Variants in SLC12A4 observed in about 807,000 individuals in gnomAD.
The protein encoded by SLC12A4 is electroneutral potassium-chloride cotransporter 1.
SLC12A4 carries 84 observed loss-of-function variants against 119.2 expected under a neutral mutation model. The ratio of observed to expected loss-of-function variants is 0.70; its 90% CI spans 0.59 to 0.85. SLC12A4 has a LOEUF of 0.85. Ranked by LOEUF, SLC12A4 falls within the 40% of genes least tolerant of loss-of-function variation. The probability of loss-of-function intolerance (pLI) is 0.00; values close to 1 mark genes in which losing one functional copy is unlikely to be tolerated. For missense variants in SLC12A4, 1,298 were observed against 1,476.3 expected (o/e 0.88, Z 1.98); for synonymous variants, 599 against 604.6 (o/e 0.99, Z 0.14).
In SLC12A4 at chr16:67,951,161, T is replaced by A; in HGVS notation, c.1276A>T (p.Ile426Phe). 3 of 1,613,972 alleles carry A rather than the reference T, an allele frequency of 1.9e-6. No individual in the cohort carries two copies. Among genetic ancestry groups the A allele is most frequent in the Non-Finnish European group, 2.5e-6 (3 of 1,179,946 alleles). ...IATSFTVLVG[I>F]FFPSVTGIMA... ...TCACCTGTTACAGAAGGGAAGAAGA[T>A]GCCGACCAGCACGGTGAAGGATGTG... is the stretch of plus-strand genomic sequence containing the variant. Residue 426 changes from isoleucine to phenylalanine, a missense_variant, in exon 9 of 24, where the codon ATC becomes TTC. Physicochemically the swap from Ile to Phe is conservative, Grantham distance 21 (BLOSUM62 0). Transcript: ENST00000316341. This position sits in a 1 kb window ranked among gnomAD's most constrained non-coding sequence, Gnocchi z 5.2.
intron 1 of SLC12A4, among the ~76,000 whole-genome samples, chr16:67,964,856 A>C (rs2030790598): frequency 6.6e-6 from 1 of 152,198 alleles, no homozygotes; most frequent in African/African-American, 2.4e-5. Context: ...ATGAGGCTTC[A>C]ATTGCTTTCT....
chr16:67,943,532 C>A lies in SLC12A4; in HGVS notation c.*1308G>T. 1.9e-6 allele frequency: 1 copy of A among 515,256 alleles called. No individual in the cohort carries two copies. The highest frequency in any genetic ancestry group is 3.5e-6 in the Non-Finnish European group (1 of 282,514). The allele number at this position is 515,256 out of a possible 1,614,324, so 31.9% of individuals were successfully genotyped here. A position where few individuals can be genotyped will look rare whatever the true frequency, so the allele number is the denominator to read the frequency against. On this transcript the variant is annotated 3_prime_UTR_variant, in exon 24 of 24. Coordinates refer to ENST00000316341, the MANE Select transcript of SLC12A4 (RefSeq NM_005072.5). This position sits in a 1 kb window ranked among gnomAD's most constrained non-coding sequence, Gnocchi z 4.6. ...AGGTGGGAACAGATAGGTCTGGGGG[C>A]ATGGGGGCTGGGCCTAATAGGGGCC... is the stretch of plus-strand genomic sequence containing the variant.
Position 67,947,010 on chromosome 16 carries a change from C to T in SLC12A4, c.2168G>A (p.Gly723Asp), listed in dbSNP as rs2058358251. ...TFASQLKAGKGLTIVGSVIQG... is the reference protein window; with the variant it reads ...TFASQLKAGKDLTIVGSVIQG... ...GATGACAGAACCAACAATGGTCAGG[C>T]CCTTGCCAGCCTTGAGCTGGGAGGC... The change falls in exon 17 of 24, where the codon GGC (glycine) becomes GAC (aspartate). Residue 723 changes from glycine to aspartate, a missense_variant. Transcript: ENST00000316341. 3 of 1,613,068 alleles carry T rather than the reference C, an allele frequency of 1.9e-6. No homozygotes were observed. Among genetic ancestry groups the T allele is most frequent in the Non-Finnish European group, 2.5e-6 (3 of 1,180,028 alleles).
Position 67,946,005 on chromosome 16 carries a change from C to T in SLC12A4, c.2685G>A (p.Leu895=). 1 of 1,614,118 alleles carries T rather than the reference C, an allele frequency of 6.2e-7. No individual in the cohort carries two copies. The highest frequency in any genetic ancestry group is 8.5e-7 in the Non-Finnish European group (1 of 1,180,026). The change falls in exon 20 of 24, where the codon CTG becomes CTA. Residue 895 remains leucine, a synonymous_variant. Transcript: ENST00000316341. The stretch of plus-strand genomic sequence containing the variant: ...GGCGCAGATGGTACAGAAAGACAGC[C>T]AGGTCCTTCTTCATCTGGATGCTGT... The part of the protein sequence containing the change: ...DDNSIQMKKD[L]AVFLYHLRLE...
chr16:67,955,877 CAAA>C (rs773351935), intron 5 of SLC12A4, among the ~76,000 whole-genome samples: 1 of 134,518 alleles, frequency 7.4e-6, no homozygotes, highest in Admixed American at 7.6e-5. Flanking sequence ...GACTCCGTCT[CAAA>C]AAAAAAAAAA....
chr16:67,960,034 C>T (rs1052932866), intron 3 of SLC12A4, among the ~76,000 whole-genome samples: 1 of 152,244 alleles, frequency 6.6e-6, no homozygotes, highest in African/African-American at 2.4e-5. Flanking sequence ...AGCTAAGACA[C>T]CCAGTCACCC....
In SLC12A4 at chr16:67,968,627, C is replaced by G; in HGVS notation, c.-74G>C. On this transcript the variant is annotated 5_prime_UTR_variant, in exon 1 of 24. Transcript: ENST00000316341. ...GTCCCCGCCGCTGTCCCCGCCGCCCCGGGCCGACACGCCCCGCCCGCTCGC... is the reference window on the plus strand; with the variant it reads ...GTCCCCGCCGCTGTCCCCGCCGCCCGGGGCCGACACGCCCCGCCCGCTCGC... The G allele has an allele frequency of 1.5e-6, 2 of 1,310,596 alleles. No individual in the cohort carries two copies. Among genetic ancestry groups the G allele is most frequent in the Non-Finnish European group, 1.9e-6 (2 of 1,037,020 alleles). The allele number at this position is 1,310,596 out of a possible 1,614,324, so 81.2% of individuals were successfully genotyped here.
chr16:67,951,036 G>T lies in SLC12A4; in HGVS notation c.1322C>A (p.Ser441Tyr). Residue 441 changes from serine to tyrosine, a missense_variant, in exon 10 of 24, where the codon TCT becomes TAT. Coordinates refer to ENST00000316341, the MANE Select transcript of SLC12A4 (RefSeq NM_005072.5). The surrounding 1 kb of genome is among the most constrained non-coding windows in gnomAD (Gnocchi z 5.2). ...CTTCTGGGCGTCACGAAGGTCCCCA[G>T]AGCGGTTTGAGCCAGCCATGATGCC... The part of the protein sequence containing the change: ...VTGIMAGSNR[S>Y]GDLRDAQKSI... 2 of 1,613,962 alleles carry T rather than the reference G, an allele frequency of 1.2e-6. No individual in the cohort carries two copies. The highest frequency in any genetic ancestry group is 8.5e-7 in the Non-Finnish European group (1 of 1,180,010).
Position 67,943,528 on chromosome 16 carries a change from G to C in SLC12A4, c.*1312C>G, listed in dbSNP as rs2058306050. On this transcript the variant is annotated 3_prime_UTR_variant, in exon 24 of 24. Coordinates refer to ENST00000316341, the MANE Select transcript of SLC12A4 (RefSeq NM_005072.5). The surrounding 1 kb of genome is among the most constrained non-coding windows in gnomAD (Gnocchi z 4.6). ...TCCAAGGTGGGAACAGATAGGTCTG[G>C]GGGCATGGGGGCTGGGCCTAATAGG... 1.9e-6 allele frequency: 1 copy of C among 516,366 alleles called. No individual in the cohort carries two copies. Among genetic ancestry groups the C allele is most frequent in the Non-Finnish European group, 3.5e-6 (1 of 283,232 alleles). The allele number at this position is 516,366 out of a possible 1,614,324, so 32.0% of individuals were successfully genotyped here. A position where few individuals can be genotyped will look rare whatever the true frequency, so the allele number is the denominator to read the frequency against.
Position 67,945,345 on chromosome 16 carries a change from T to C in SLC12A4, c.3032+24A>G, listed in dbSNP as rs375627758. 150 of 1,603,672 alleles carry C rather than the reference T, an allele frequency of 9.4e-5. No individual in the cohort carries two copies. The African/African-American group carries it at 1.8e-3, about 19-fold the overall frequency. On this transcript the variant is annotated intron_variant, in intron 22 of 23. Transcript: ENST00000316341. Reference sequence around the variant, plus strand: ...CTCCACCCCTAGATTCCAGTGCCGCTGGGGCTGTTTTTGCTGCACTCACGG... The same window carrying C: ...CTCCACCCCTAGATTCCAGTGCCGCCGGGGCTGTTTTTGCTGCACTCACGG...
Position 67,949,985 on chromosome 16 carries a change from G to C in SLC12A4, c.1630-67C>G. On this transcript the variant is annotated intron_variant, in intron 12 of 23. Coordinates refer to ENST00000316341, the MANE Select transcript of SLC12A4 (RefSeq NM_005072.5). The surrounding 1 kb of genome is among the most constrained non-coding windows in gnomAD (Gnocchi z 4.6). ...TCCACACCTTGGGCCCCAGACCCCA[G>C]CCTGGCCTCCCTCACCCCCAGGGCC... 1 of 1,306,760 alleles carries C rather than the reference G, an allele frequency of 7.7e-7. No individual in the cohort carries two copies. Among genetic ancestry groups the C allele is most frequent in the Non-Finnish European group, 1.1e-6 (1 of 909,394 alleles). 80.9% of individuals were successfully genotyped at this position (1,306,760 alleles called of 1,614,324 possible). A position where few individuals can be genotyped will look rare whatever the true frequency, so the allele number is the denominator to read the frequency against.
Position 67,968,455 on chromosome 16 carries a change from C to A in SLC12A4, c.99G>T (p.Glu33Asp). ...CGCCCTCACCGTCCGAGTCATCCAG[C>A]TCGGCGCGCTCCCCGTAGTCCACCC... ...LSWVDYGERAELDDSDGHGNH... is the reference protein window; with the variant it reads ...LSWVDYGERADLDDSDGHGNH... Residue 33 changes from glutamate (E) to aspartate (D), a missense_variant, in exon 1 of 24, where the codon GAG becomes GAT. By Grantham distance (45) the Glu-to-Asp change is conservative (BLOSUM62 2). Transcript: ENST00000316341. 1 of 1,577,838 alleles carries A rather than the reference C, an allele frequency of 6.3e-7. No homozygotes were observed. The highest frequency in any genetic ancestry group is 8.6e-7 in the Non-Finnish European group (1 of 1,167,542).
In SLC12A4 at chr16:67,943,970, G is replaced by A. The variant is rs2058312643; in HGVS notation, c.*870C>T. 6.5e-7 allele frequency: 1 copy of A among 1,548,212 alleles called. No homozygotes were observed. Among genetic ancestry groups the A allele is most frequent in the Non-Finnish European group, 8.7e-7 (1 of 1,145,454 alleles). ...TACCGAGGATGACGGGCCGTGTGTG[G>A]TTACTGAGCTCAGCCTTGGGCGTGG... On this transcript the variant is annotated 3_prime_UTR_variant, in exon 24 of 24. Transcript: ENST00000316341. The surrounding 1 kb of genome is among the most constrained non-coding windows in gnomAD (Gnocchi z 4.6).
Position 67,950,923 on chromosome 16 carries a change from G to A in SLC12A4, c.1396+39C>T, listed in dbSNP as rs764314356. 34 of 1,600,592 alleles carry A rather than the reference G, an allele frequency of 2.1e-5. No individual in the cohort carries two copies. Among genetic ancestry groups the A allele is most frequent in the South Asian group, 7.7e-5 (7 of 90,684 alleles). ...AACGTACACAGGCCAAGCGCTTCCC[G>A]TCCTCTGCCCCACCTGCCCCAGGCC... On this transcript the variant is annotated intron_variant, in intron 10 of 23. Coordinates refer to ENST00000316341, the MANE Select transcript of SLC12A4 (RefSeq NM_005072.5). This position sits in a 1 kb window ranked among gnomAD's most constrained non-coding sequence, Gnocchi z 4.3.
chr16:67,964,031 C>G, intron 1 of SLC12A4: 2 of 1,550,780 alleles, frequency 1.3e-6, no homozygotes, highest in Non-Finnish European at 1.7e-6. Context: ...CTGCCATGGC[C>G]CAAAGGTGGC....
intron 1 of SLC12A4, among the ~76,000 whole-genome samples, chr16:67,965,629 T>C (rs191955814): frequency 1.6e-4 from 25 of 152,366 alleles, no homozygotes; most frequent in Non-Finnish European, 3.2e-4. Context: ...CCATCACTGT[T>C]GCCTGGTCTT....
chr16:67,948,986 A>G (rs1262499707), intron 13 of SLC12A4, among the ~76,000 whole-genome samples: 1 of 152,170 alleles, frequency 6.6e-6, no homozygotes, highest in African/African-American at 2.4e-5. Context: ...ACAAGCAAGA[A>G]GGAGCGTCAG....
chr16:67,949,719 A>G lies in SLC12A4; in HGVS notation c.1748+81T>C. On this transcript the variant is annotated intron_variant, in intron 13 of 23. Transcript: ENST00000316341. The surrounding 1 kb of genome is among the most constrained non-coding windows in gnomAD (Gnocchi z 4.6). ...TGCCACATCTCCCAGCTGGACCTCCAACACCAGACGCAGCCACGGGGAGGT... is the reference window on the plus strand; with the variant it reads ...TGCCACATCTCCCAGCTGGACCTCCGACACCAGACGCAGCCACGGGGAGGT... 1.0e-6 allele frequency: 1 copy of G among 965,650 alleles called. No individual in the cohort carries two copies. The highest frequency in any genetic ancestry group is 1.6e-6 in the Non-Finnish European group (1 of 636,670). 59.8% of individuals were successfully genotyped at this position (965,650 alleles called of 1,614,324 possible).
intron 17 of SLC12A4, 76 bp from the exon 18 acceptor site, chr16:67,946,709 G>C: frequency 6.6e-7 from 1 of 1,507,708 alleles, no homozygotes; most frequent in Non-Finnish European, 9.0e-7. Flanking sequence ...GGCCCCTCGG[G>C]AACAAAACGA....
Sources: gnomAD v4.1 joint callset for allele counts (sites outside exome capture counted in the v4.1 genomes callset) on GRCh38, gnomAD v4.1.1 for gene constraint, Gnocchi (gnomAD v3.1) non-coding constraint, MANE v1.5 for transcripts, NCBI Gene and HGNC (gene_info 2026-07-23, HGNC 2026-07-21) for gene names.